Variants in RUNX2 observed in about 807,000 individuals in gnomAD.
RUNX2 encodes runt-related transcription factor 2.
RUNX2 carries 10 observed loss-of-function variants against 51.7 expected under a neutral mutation model. The ratio of observed to expected loss-of-function variants is 0.19; its 90% CI spans 0.12 to 0.33. The LOEUF (loss-of-function observed/expected upper bound fraction) is 0.33. Ranked by LOEUF, RUNX2 falls within the 10% of genes least tolerant of loss-of-function variation. The pLI, the probability that RUNX2 is intolerant of heterozygous loss-of-function variation, is 1.00. For missense variants in RUNX2, 562 were observed against 691.3 expected (o/e 0.81, Z 2.10); for synonymous variants, 276 against 273.6 (o/e 1.01, Z -0.09).
intron 7 of RUNX2, among the ~76,000 whole-genome samples, chr6:45,540,087 G>A (rs887217050): frequency 3.3e-5 from 5 of 152,154 alleles, no homozygotes; most frequent in African/African-American, 1.2e-4. Flanking sequence ...CAAAGCTCCC[G>A]TGAGTGTCCT....
intron 5 of RUNX2, among the ~76,000 whole-genome samples, chr6:45,487,020 T>C (rs1309682162): frequency 2.6e-5 from 4 of 152,206 alleles, no homozygotes; most frequent in Non-Finnish European, 5.9e-5. Context: ...CTGTTTCTCA[T>C]TTGTCTTTGC....
chr6:45,506,842 G>A (rs904829440), intron 6 of RUNX2, among the ~76,000 whole-genome samples: 6 of 151,978 alleles, frequency 3.9e-5, no homozygotes, highest in African/African-American at 1.2e-4. Flanking sequence ...GGGTTTCACC[G>A]TCTCTACAAA....
chr6:45,419,632 C>A (rs1488320360), intron 2 of RUNX2, among the ~76,000 whole-genome samples: 2 of 152,156 alleles, frequency 1.3e-5, no homozygotes, highest in African/African-American at 4.8e-5. Flanking sequence ...CTGTGGGACT[C>A]GAGAGACCTG....
chr6:45,424,937 A>T (rs2150364072), intron 3 of RUNX2, among the ~76,000 whole-genome samples: 1 of 152,242 alleles, frequency 6.6e-6, no homozygotes, highest in South Asian at 2.1e-4. Context: ...ATAAATTTAA[A>T]TTTCCATACA....
chr6:45,467,582 T>C (rs548177662), intron 5 of RUNX2, among the ~76,000 whole-genome samples: 1 of 152,272 alleles, frequency 6.6e-6, no homozygotes, highest in African/African-American at 2.4e-5. Flanking sequence ...GCACCAGGCC[T>C]GCTTTATCTT....
At chr6:45,505,832 G>C (rs115366117) in intron 6 of RUNX2, among the ~76,000 whole-genome samples, 1 of 152,114 alleles carries the variant, frequency 6.6e-6, no homozygotes, top group African/African-American at 2.4e-5. Context: ...TTATAAAATC[G>C]ATTCTGACAT....
At chr6:45,338,481 G>C (rs952138704) in intron 2 of RUNX2, among the ~76,000 whole-genome samples, 3 of 152,106 alleles carry the variant, frequency 2.0e-5, no homozygotes, top group Admixed American at 1.3e-4. Context: ...ACTATATTTT[G>C]AATTAAGAAA....
intron 7 of RUNX2, 111 bp downstream of exon 7, chr6:45,512,518 TG>T: frequency 8.5e-7 from 1 of 1,179,276 alleles, no homozygotes. Context: ...TAGAGGCATG[TG>T]GGCAAGGGAA....
At chr6:45,414,445 T>C (rs1224766769) in intron 2 of RUNX2, among the ~76,000 whole-genome samples, 2 of 152,226 alleles carry the variant, frequency 1.3e-5, no homozygotes, top group South Asian at 2.1e-4. Flanking sequence ...TAAATTCCTT[T>C]AGAAGCAATA....
chr6:45,336,125 C>A (rs1205962220), intron 2 of RUNX2, among the ~76,000 whole-genome samples: 4 of 151,234 alleles, frequency 2.6e-5, no homozygotes, highest in African/African-American at 7.3e-5. Flanking sequence ...TCTATTCTCC[C>A]AGTTTTCAAA....
chr6:45,404,427 C>T (rs1354203675), intron 2 of RUNX2, among the ~76,000 whole-genome samples: 1 of 152,186 alleles, frequency 6.6e-6, no homozygotes, highest in Non-Finnish European at 1.5e-5. Flanking sequence ...CTCTTCACTA[C>T]TTCCTCCTCT....
chr6:45,333,992 A>T (rs969813602), intron 2 of RUNX2, among the ~76,000 whole-genome samples: 3 of 151,366 alleles, frequency 2.0e-5, no homozygotes, highest in Non-Finnish European at 4.4e-5. Flanking sequence ...TGAGATATTT[A>T]AAAATTATCA....
intron 5 of RUNX2, among the ~76,000 whole-genome samples, chr6:45,485,716 T>TATATATATATATATATACAC (rs1554394671): frequency 1.6e-5 from 2 of 126,446 alleles, no homozygotes; most frequent in African/African-American, 2.8e-5. Flanking sequence ...TATATATATA[T>TATATATATATATATATACAC]ACACATATTT....
chr6:45,538,637 G>A (rs991085463), intron 7 of RUNX2, among the ~76,000 whole-genome samples: 6 of 151,844 alleles, frequency 4.0e-5, no homozygotes, highest in Non-Finnish European at 7.4e-5. Flanking sequence ...GTCTGAAAGG[G>A]TGGATTTGTC....
rs529125619 is a variant in RUNX2, at chr6:45,352,258, C to T, written c.58+23474C>T. ...CTGACAATTTCAGCCTTAGAAAATA[C>T]AATAAAAAATATGAACCAAGGAGTA... On this transcript the variant is annotated intron_variant, in intron 2 of 8. Coordinates refer to ENST00000647337, the MANE Select transcript of RUNX2 (RefSeq NM_001024630.4). Among the ~76,000 whole-genome samples, 350 of 152,116 alleles carry T rather than the reference C, an allele frequency of 2.3e-3. 1 individual carries two copies. The highest frequency in any genetic ancestry group is 3.8e-3 in the Non-Finnish European group (260 of 67,980).
intron 6 of RUNX2, among the ~76,000 whole-genome samples, chr6:45,495,102 C>T (rs1417874887): frequency 1.3e-5 from 2 of 152,242 alleles, no homozygotes; most frequent in Non-Finnish European, 2.9e-5. Flanking sequence ...AACCTTCATC[C>T]AAAGGCAGTT....
chr6:45,477,868 T>C (rs2150397747), intron 5 of RUNX2, among the ~76,000 whole-genome samples: 1 of 152,338 alleles, frequency 6.6e-6, no homozygotes, highest in Admixed American at 6.5e-5. Context: ...CCCTGTTATT[T>C]GCAGGATGAA....
At chr6:45,472,240 G>A (rs1366109789) in intron 5 of RUNX2, among the ~76,000 whole-genome samples, 2 of 152,098 alleles carry the variant, frequency 1.3e-5, no homozygotes, top group Non-Finnish European at 2.9e-5. Context: ...AGGTATTACT[G>A]GAAAGGAAAG....
intron 5 of RUNX2, among the ~76,000 whole-genome samples, chr6:45,482,198 A>T (rs898286283): frequency 1.3e-4 from 20 of 152,228 alleles, no homozygotes; most frequent in Non-Finnish European, 2.1e-4. Flanking sequence ...CAATCTTTTT[A>T]AAAAATTTTT....
Sources: allele counts gnomAD v4.1 joint callset (sites outside exome capture counted in the v4.1 genomes callset), GRCh38; gene constraint gnomAD v4.1.1; transcripts MANE v1.5; gene names NCBI Gene and HGNC (gene_info 2026-07-23, HGNC 2026-07-21).